Variants in MYPN observed in about 807,000 individuals in gnomAD.
MYPN encodes myopalladin.
MYPN carries 63 observed loss-of-function variants against 129.4 expected under a neutral mutation model. The ratio of observed to expected loss-of-function variants is 0.49; its 90% CI spans 0.40 to 0.60. The LOEUF (loss-of-function observed/expected upper bound fraction) is 0.60. MYPN is among the 20% of genes least tolerant of loss of function. The probability of loss-of-function intolerance (pLI) is 0.00; values close to 1 mark genes in which losing one functional copy is unlikely to be tolerated. For synonymous variants in MYPN, 629 were observed against 600.9 expected (o/e 1.05, Z -0.68); for missense variants, 1,596 against 1,635.4 (o/e 0.98, Z 0.42).
At chr10:68,131,609 G>T (rs1395419283) in intron 2 of MYPN, among the ~76,000 whole-genome samples, 1 of 152,132 alleles carries the variant, frequency 6.6e-6, no homozygotes, top group East Asian at 1.9e-4. Flanking sequence ...GAACTCCCAG[G>T]TTCAGGTGAT....
chr10:68,126,141 C>T (rs534003993), intron 2 of MYPN, among the ~76,000 whole-genome samples: 3 of 152,250 alleles, frequency 2.0e-5, no homozygotes, highest in Admixed American at 1.3e-4. Flanking sequence ...CATAAGTACT[C>T]ATCTATGTCA....
rs182114561 is a variant in MYPN, at chr10:68,166,757, A to G, written c.1973+91A>G. ...AAAGTAATGGAACTCAGCTAGGCACAGTTGCTCACACCTGTAATCCGAGCA... is the reference window on the plus strand; with the variant it reads ...AAAGTAATGGAACTCAGCTAGGCACGGTTGCTCACACCTGTAATCCGAGCA... On this transcript the variant is annotated intron_variant, in intron 10 of 19. Coordinates refer to ENST00000358913, the MANE Select transcript of MYPN (RefSeq NM_032578.4). 207 of 1,530,496 alleles carry G rather than the reference A, an allele frequency of 1.4e-4. No homozygotes were observed. The African/African-American group carries it at 2.3e-3, about 17-fold the overall frequency. 94.8% of individuals were successfully genotyped at this position (1,530,496 alleles called of 1,614,324 possible). A position where few individuals can be genotyped will look rare whatever the true frequency, so the allele number is the denominator to read the frequency against.
At chr10:68,161,895 G>A (rs915476791) in intron 8 of MYPN, 143 bp downstream of exon 8, 5 of 634,932 alleles carry the variant, frequency 7.9e-6, no homozygotes, top group Admixed American at 3.0e-5. Context: ...GGGTGCAGTG[G>A]CTCATGTCTG....
chr10:68,103,760 A>T (rs1443818853), upstream of MYPN, among the ~76,000 whole-genome samples: 1 of 151,980 alleles, frequency 6.6e-6, no homozygotes, highest in African/African-American at 2.4e-5. Context: ...AACCAGCCTG[A>T]CTAACGTGGT....
chr10:68,122,759 G>A (rs1045256594), intron 2 of MYPN, among the ~76,000 whole-genome samples: 3 of 151,962 alleles, frequency 2.0e-5, no homozygotes, highest in South Asian at 4.2e-4. Flanking sequence ...AAAATTAGCC[G>A]GGCGTGGTGG....
At chr10:68,105,824 T>G (rs189577175), upstream of MYPN, among the ~76,000 whole-genome samples, 3 of 152,378 alleles carry the variant, frequency 2.0e-5, no homozygotes, top group East Asian at 5.8e-4. Flanking sequence ...TATAGATATC[T>G]TATGTATTCC....
At chr10:68,179,799 G>T (rs2043286233) in intron 12 of MYPN, among the ~76,000 whole-genome samples, 1 of 152,026 alleles carries the variant, frequency 6.6e-6, no homozygotes. Context: ...CAGTGGCTGG[G>T]TCTACAGGTG....
chr10:68,169,180 C>T (rs1339043292), intron 10 of MYPN, among the ~76,000 whole-genome samples: 1 of 28,556 alleles, frequency 3.5e-5, no homozygotes. Context: ...TCCGTCTCTA[C>T]TAAAAAAAAA....
At chr10:68,128,989 C>T (rs1439096578) in intron 2 of MYPN, among the ~76,000 whole-genome samples, 1 of 151,878 alleles carries the variant, frequency 6.6e-6, no homozygotes, top group African/African-American at 2.4e-5. Context: ...CAGATTCTCT[C>T]TCCTCTCTCT....
intron 2 of MYPN, chr10:68,136,583 A>C (rs1589543379): frequency 6.7e-7 from 1 of 1,496,498 alleles, no homozygotes; most frequent in Non-Finnish European, 8.9e-7. Context: ...AGTGACGGTT[A>C]CCGATTGTTT....
chr10:68,092,014 C>G (rs368693232), intron 1 of MYPN, among the ~76,000 whole-genome samples: 1 of 151,938 alleles, frequency 6.6e-6, no homozygotes, highest in South Asian at 2.1e-4. Context: ...CCCAGGAGTT[C>G]GAGGGTGCAG....
intron 18 of MYPN, among the ~76,000 whole-genome samples, chr10:68,203,718 C>CAGAGAGAGAG (rs1338807696): frequency 7.2e-5 from 5 of 69,344 alleles, no homozygotes; most frequent in Non-Finnish European, 1.2e-4. Flanking sequence ...CACATACACA[C>CAGAGAGAGAG]ACAGAGAGAG....
intron 2 of MYPN, among the ~76,000 whole-genome samples, chr10:68,142,022 C>T (rs1272129005): frequency 6.6e-6 from 1 of 152,146 alleles, no homozygotes; most frequent in Non-Finnish European, 1.5e-5. Flanking sequence ...GAATGAGTAG[C>T]CTATACATTT....
intron 6 of MYPN, 29 bp downstream of exon 6, chr10:68,150,140 T>A (rs757066402): frequency 1.9e-6 from 3 of 1,573,368 alleles, no homozygotes; most frequent in African/African-American, 2.7e-5. Context: ...CTTTCTGTCA[T>A]GGCTTTAAAG....
chr10:68,105,095 T>C (rs879157193), upstream of MYPN, among the ~76,000 whole-genome samples: 3 of 152,330 alleles, frequency 2.0e-5, no homozygotes, highest in South Asian at 4.1e-4. Context: ...ATATGTTTTC[T>C]ATTCATTTTT....
intron 18 of MYPN, among the ~76,000 whole-genome samples, chr10:68,204,365 C>T (rs1338032118): frequency 1.3e-5 from 2 of 152,228 alleles, no homozygotes; most frequent in Non-Finnish European, 2.9e-5. Flanking sequence ...TAATGTGTCT[C>T]TCTGCGGCCA....
intron 9 of MYPN, 131 bp downstream of exon 9, chr10:68,165,949 G>T: frequency 2.2e-6 from 2 of 893,336 alleles, no homozygotes; most frequent in East Asian, 2.5e-5. Context: ...TTGAATTATT[G>T]AGGAAAATGT....
chr10:68,156,111 T>A (rs1268565039), intron 6 of MYPN, among the ~76,000 whole-genome samples: 1 of 152,190 alleles, frequency 6.6e-6, no homozygotes, highest in African/African-American at 2.4e-5. Flanking sequence ...TCAGAGCATA[T>A]TAGATTGACC....
At position 68,109,519 on chromosome 10, in the gene MYPN, C is replaced by T. The variant is rs1269686215; in HGVS notation, c.-206C>T. On this transcript the variant is annotated 5_prime_UTR_variant, in exon 1 of 20. Coordinates refer to ENST00000358913, the MANE Select transcript of MYPN (RefSeq NM_032578.4). The stretch of plus-strand genomic sequence containing the variant: ...ACAAATGCTCTGGCTCCGGTGGTGA[C>T]AGGTTGTCCAGCTTCTTACAGCCAT... The T allele has an allele frequency of 6.6e-6, 3 of 454,082 alleles. No homozygotes were observed. Among genetic ancestry groups the T allele is most frequent in the Non-Finnish European group, 1.3e-5 (3 of 226,792 alleles). The allele number at this position is 454,082 out of a possible 1,614,324, so 28.1% of individuals were successfully genotyped here. A position where few individuals can be genotyped will look rare whatever the true frequency, so the allele number is the denominator to read the frequency against.
Sources: allele counts gnomAD v4.1 joint callset (sites outside exome capture counted in the v4.1 genomes callset), GRCh38; gene constraint gnomAD v4.1.1; transcripts MANE v1.5; gene names NCBI Gene and HGNC (gene_info 2026-07-23, HGNC 2026-07-21).